The following TIAM1 variants were observed in gnomAD, a reference collection of about 807,000 sequenced individuals.
The protein encoded by TIAM1 is rho guanine nucleotide exchange factor TIAM1.
Under a neutral mutation model 163.5 loss-of-function variants are expected in TIAM1, and 65 were observed. The observed-to-expected ratio is 0.40, with a 90% CI of 0.33 to 0.49. The LOEUF is 0.49. Ranked by LOEUF, TIAM1 falls within the 20% of genes least tolerant of loss-of-function variation. The pLI, the probability that TIAM1 is intolerant of heterozygous loss-of-function variation, is 0.77. For synonymous variants in TIAM1, 833 were observed against 810.1 expected, an observed-to-expected ratio of 1.03 and a Z score of -0.48; for missense variants, 1,789 against 2,044.7, an observed-to-expected ratio of 0.87 and a Z score of 2.41.
chr21:31,432,263 G>A (rs939727792), intron 2 of TIAM1, among the ~76,000 whole-genome samples: 1 of 152,046 alleles, frequency 6.6e-6, no homozygotes, highest in African/African-American at 2.4e-5. Context: ...ACCATGCCCA[G>A]CTAATTTTTG....
chr21:31,231,159 T>G (rs1396327066), intron 6 of TIAM1, among the ~76,000 whole-genome samples: 1 of 152,190 alleles, frequency 6.6e-6, no homozygotes, highest in African/African-American at 2.4e-5. Context: ...ATAGAGCTTC[T>G]GTCTGCCTGG....
At chr21:31,392,881 T>C (rs2076991823) in intron 2 of TIAM1, among the ~76,000 whole-genome samples, 1 of 152,022 alleles carries the variant, frequency 6.6e-6, no homozygotes. Flanking sequence ...GAGTAAAAGC[T>C]TCTTGCAGCC....
chr21:31,129,449 C>A (rs982616943), intron 25 of TIAM1, among the ~76,000 whole-genome samples: 1 of 152,192 alleles, frequency 6.6e-6, no homozygotes, highest in African/African-American at 2.4e-5. Context: ...GAGGCCAAGG[C>A]GGGAGGCTTG....
rs2046132121 is a variant in TIAM1 at position 31,482,140 on chromosome 21, T to C, written c.-421-18105A>G. Among the ~76,000 whole-genome samples the C allele has an allele frequency of 2.2e-5, 3 of 134,362 alleles. No individual in the cohort carries two copies. In the South Asian group the frequency reaches 7.1e-4, roughly 32 times the overall value. The allele number at this position is 134,362 out of a possible 152,430, so 88.1% of individuals were successfully genotyped here. On this transcript the variant is annotated intron_variant, in intron 1 of 28. Transcript: ENST00000286827. Reference sequence around the variant, plus strand: ...ACATATATATTTATATACATTTTTTTTCTTACCATAACAAACATCCTTTTT... The same window carrying C: ...ACATATATATTTATATACATTTTTTCTCTTACCATAACAAACATCCTTTTT...
chr21:31,435,053 A>G (rs1478646213), intron 2 of TIAM1, among the ~76,000 whole-genome samples: 2 of 152,226 alleles, frequency 1.3e-5, no homozygotes, highest in Admixed American at 6.5e-5. Flanking sequence ...TTTGGTACTG[A>G]GCAGATTCTT....
At chr21:31,258,704 A>G (rs2072266330) in intron 4 of TIAM1, among the ~76,000 whole-genome samples, 1 of 151,494 alleles carries the variant, frequency 6.6e-6, no homozygotes, top group African/African-American at 2.4e-5. Context: ...AGTCCCAGCT[A>G]CTCCGGAGGC....
intron 2 of TIAM1, among the ~76,000 whole-genome samples, chr21:31,402,645 G>A (rs561057394): frequency 1.8e-4 from 27 of 151,952 alleles, no homozygotes; most frequent in African/African-American, 6.0e-4. Flanking sequence ...GTTTCTCCCC[G>A]TTAGAAAAAC....
rs34368848 is a variant in TIAM1, at chr21:31,142,463, CAAA to C, written c.3476-962_3476-960del. ...TAAAATCTCATCTCTACTAAAAATA[CAAA>C]AAAAAAAAAAAAAAAAAAAGCCAGG... On this transcript the variant is annotated intron_variant, in intron 20 of 27. Coordinates refer to ENST00000541036, the MANE Select transcript of TIAM1 (RefSeq NM_001353694.2). Among the ~76,000 whole-genome samples the C allele has an allele frequency of 2.0e-3, 102 of 49,916 alleles. 1 individual carries two copies. Among genetic ancestry groups the C allele is most frequent in the Non-Finnish European group, 3.0e-3 (91 of 30,204 alleles). The allele number at this position is 49,916 out of a possible 152,430, so 32.7% of individuals were successfully genotyped here. A position where few individuals can be genotyped will look rare whatever the true frequency, so the allele number is the denominator to read the frequency against.
intron 4 of TIAM1, among the ~76,000 whole-genome samples, chr21:31,255,283 A>G (rs2072033614): frequency 6.6e-6 from 1 of 152,184 alleles, no homozygotes; most frequent in South Asian, 2.1e-4. Flanking sequence ...AGTGGTACAC[A>G]TGCCCCCACT....
At chr21:31,175,092 A>G (rs1219641484) in intron 15 of TIAM1, among the ~76,000 whole-genome samples, 3 of 152,088 alleles carry the variant, frequency 2.0e-5, no homozygotes, top group African/African-American at 7.2e-5. Context: ...ACCGGTGCAC[A>G]CCACCACGCC....
intron 6 of TIAM1, among the ~76,000 whole-genome samples, chr21:31,238,198 A>T (rs2070993164): frequency 1.3e-5 from 2 of 152,234 alleles, no homozygotes; most frequent in Non-Finnish European, 2.9e-5. Context: ...TTACTTCCAT[A>T]ATCATGGCTG....
intron 2 of TIAM1, among the ~76,000 whole-genome samples, chr21:31,402,293 T>C (rs1024543716): frequency 5.3e-5 from 8 of 152,044 alleles, no homozygotes; most frequent in East Asian, 1.9e-4. Context: ...TCAGGTAGTA[T>C]TGGACTAGAG....
chr21:31,534,423 C>T (rs2048062307), intron 1 of TIAM1, among the ~76,000 whole-genome samples: 1 of 152,190 alleles, frequency 6.6e-6, no homozygotes, highest in Admixed American at 6.5e-5. Flanking sequence ...TGCCTGTAAT[C>T]CCAGCACTTT....
At chr21:31,456,316 G>A (rs1290841644) in intron 2 of TIAM1, among the ~76,000 whole-genome samples, 2 of 152,214 alleles carry the variant, frequency 1.3e-5, no homozygotes, top group African/African-American at 4.8e-5. Context: ...GCTCTGCAGG[G>A]ACACTGTGGC....
At chr21:31,551,732 C>T (rs182491692) in intron 1 of TIAM1, among the ~76,000 whole-genome samples, 1 of 151,932 alleles carries the variant, frequency 6.6e-6, no homozygotes, top group Admixed American at 6.6e-5. Context: ...GAGACCCTAT[C>T]TCAAAGAAAA....
chr21:31,490,142 T>C (rs866735260), intron 1 of TIAM1, among the ~76,000 whole-genome samples: 2 of 152,122 alleles, frequency 1.3e-5, no homozygotes, highest in South Asian at 2.1e-4. Context: ...CATTATCTAA[T>C]AAATCTTTTT....
At chr21:31,152,563 A>G (rs1253820725) in intron 19 of TIAM1, 73 bp downstream of exon 19, 63 of 1,586,272 alleles carry the variant, frequency 4.0e-5, no homozygotes, top group East Asian at 2.7e-4. Context: ...CAATGAAGAC[A>G]TCAACACGAT....
intron 1 of TIAM1, among the ~76,000 whole-genome samples, chr21:31,554,059 G>A (rs905169589): frequency 2.0e-5 from 3 of 152,178 alleles, no homozygotes; most frequent in Non-Finnish European, 2.9e-5. Flanking sequence ...GGCAAGGTGG[G>A]AGGGACAGTG....
intron 8 of TIAM1, among the ~76,000 whole-genome samples, chr21:31,223,158 G>A (rs915264748): frequency 1.3e-5 from 2 of 152,080 alleles, no homozygotes; most frequent in Non-Finnish European, 2.9e-5. Context: ...TGTGAACAGC[G>A]CTGAAGATGG....
Sources: gnomAD v4.1 joint callset for allele counts (sites outside exome capture counted in the v4.1 genomes callset) on GRCh38, gnomAD v4.1.1 for gene constraint, MANE v1.5 for transcripts, NCBI Gene and HGNC (gene_info 2026-07-23, HGNC 2026-07-21) for gene names.